HMCN1: variants seen among roughly 807,000 people sequenced by gnomAD.
The protein encoded by HMCN1 is hemicentin 1.
Under a neutral mutation model 625.9 loss-of-function variants are expected in HMCN1, and 321 were observed. The ratio of observed to expected loss-of-function variants is 0.51; its 90% CI spans 0.47 to 0.56. HMCN1 has a LOEUF of 0.56. Among genes scored for constraint, HMCN1 ranks in the 20% least tolerant of loss-of-function variants. HMCN1 has a pLI of 0.00. For missense variants in HMCN1, 6,588 were observed against 6,887.3 expected, an observed-to-expected ratio of 0.96 and a Z score of 1.54; for synonymous variants, 2,425 against 2,417.6, an observed-to-expected ratio of 1.00 and a Z score of -0.09.
At chr1:186,138,070 T>C in intron 89 of HMCN1, 98 bp downstream of exon 89, 1 of 1,253,158 alleles carries the variant, frequency 8.0e-7, no homozygotes, top group Non-Finnish European at 1.1e-6. Context: ...TGTAAAAAGA[T>C]GTTATGGCCT....
At position 186,182,258 on chromosome 1, in the gene HMCN1, A is replaced by G. The variant is rs35856562; in HGVS notation, c.16385A>G (p.Gln5462Arg). 3.0e-3 allele frequency: 4,782 copies of G among 1,613,514 alleles called. 11 individuals are homozygous for G. The highest frequency in any genetic ancestry group is 4.3e-3 in the Middle Eastern group (26 of 6,056). Residue 5462 changes from glutamine (Q) to arginine (R), a missense_variant, in exon 105 of 107, where the codon CAA becomes CGA. This residue lies in a region of HMCN1 where 1,954 missense variants were observed against 2,013.1 expected (regional missense o/e 0.97). Transcript: ENST00000271588. ...CAGTGCATCTGCCCACCTGGCTATC[A>G]ACTCACACACAATGGAAAGACATGC... ...SYQCICPPGYQLTHNGKTCQD... is the reference protein window; with the variant it reads ...SYQCICPPGYRLTHNGKTCQD...
At chr1:185,789,115 A>G (rs1166103451) in intron 1 of HMCN1, among the ~76,000 whole-genome samples, 1 of 152,220 alleles carries the variant, frequency 6.6e-6, no homozygotes, top group African/African-American at 2.4e-5. Context: ...CCACCACTGA[A>G]ATCTATAAAG....
At position 186,152,817 on chromosome 1, in the gene HMCN1, C is replaced by T. The variant is rs146508581; in HGVS notation, c.14964C>T (p.Ile4988=). The T allele has an allele frequency of 8.7e-6, 14 of 1,613,798 alleles. No homozygotes were observed. In the South Asian group the frequency reaches 9.9e-5, roughly 11 times the overall value. ...LDSDGSLLLD[I]VVSGYVLQLQ... The stretch of plus-strand genomic sequence containing the variant: ...CCGATGGTTCTTTGCTGCTAGATAT[C>T]GTTGTGAGTGGCTATGTCCTACAGC... Residue 4988 remains isoleucine, a synonymous_variant, in exon 96 of 107, where the codon ATC becomes ATT. Transcript: ENST00000271588.
In HMCN1 at chr1:186,137,840, T is replaced by C. The variant is rs1649709086; in HGVS notation, c.13792T>C (p.Cys4598Arg). 1 of 1,614,030 alleles carries C rather than the reference T, an allele frequency of 6.2e-7. No homozygotes were observed. Among genetic ancestry groups the C allele is most frequent in the Admixed American group, 1.7e-5 (1 of 59,998 alleles). The change falls in exon 89 of 107, where the codon TGC (cysteine) becomes CGC (arginine). Residue 4598 changes from cysteine (C) to arginine (R), a missense_variant. Physicochemically the swap from Cys to Arg is radical, Grantham distance 180. Coordinates refer to ENST00000271588, the MANE Select transcript of HMCN1 (RefSeq NM_031935.3). ...SWSEWSLWEE[C>R]TRSCGRGNQT... ...GTCGGAATGGAGTCTTTGGGAAGAA[T>C]GCACAAGGAGCTGTGGACGCGGCAA...
In HMCN1 at chr1:186,171,460, G is replaced by A. The variant is rs1314971101; in HGVS notation, c.15688+10G>A. The A allele has an allele frequency of 6.3e-7, 1 of 1,583,784 alleles. No individual in the cohort carries two copies. Among genetic ancestry groups the A allele is most frequent in the Admixed American group, 1.7e-5 (1 of 59,920 alleles). On this transcript the variant is annotated intron_variant, in intron 101 of 106. Transcript: ENST00000271588. ...GGCAGAAAATGCATGGGTAAGAAAA[G>A]GGCTTTGAATTTAAAGGAATGACAC...
intron 64 of HMCN1, among the ~76,000 whole-genome samples, chr1:186,092,171 TTTTATC>T (rs1417928031): frequency 6.6e-6 from 1 of 151,930 alleles, no homozygotes; most frequent in Non-Finnish European, 1.5e-5. Context: ...TTACTTATTC[TTTTATC>T]TTTATTATTC....
chr1:185,748,508 T>A (rs2102086997), intron 1 of HMCN1, among the ~76,000 whole-genome samples: 1 of 152,340 alleles, frequency 6.6e-6, no homozygotes, highest in South Asian at 2.1e-4. Context: ...ATTTATTGTA[T>A]GTTATGGACT....
chr1:186,034,853 TGGA>T (rs1655717197), intron 36 of HMCN1, among the ~76,000 whole-genome samples: 1 of 152,160 alleles, frequency 6.6e-6, no homozygotes, highest in Non-Finnish European at 1.5e-5. Flanking sequence ...GTTTCTTTAG[TGGA>T]GGAGTAGATT....
chr1:186,076,397 G>T, intron 53 of HMCN1, 31 bp from the exon 54 acceptor site: 1 of 1,592,676 alleles, frequency 6.3e-7, no homozygotes, highest in Non-Finnish European at 8.6e-7. Context: ...GCATTTATAT[G>T]TGACCAACAT....
At chr1:186,062,078 C>A in intron 47 of HMCN1, 114 bp downstream of exon 47, 1 of 662,370 alleles carries the variant, frequency 1.5e-6, no homozygotes, top group South Asian at 1.8e-5. Flanking sequence ...AGACCCTGGA[C>A]TGTGACTCTT....
At chr1:185,737,505 T>C (rs1427505575) in intron 1 of HMCN1, among the ~76,000 whole-genome samples, 1 of 152,202 alleles carries the variant, frequency 6.6e-6, no homozygotes, top group Non-Finnish European at 1.5e-5. Context: ...GAAAACTATA[T>C]TTACTTTCTG....
intron 1 of HMCN1, among the ~76,000 whole-genome samples, chr1:185,831,064 T>A (rs1402230293): frequency 6.6e-6 from 1 of 152,194 alleles, no homozygotes; most frequent in African/African-American, 2.4e-5. Flanking sequence ...GTAAATGATG[T>A]GAGCATGATA....
At chr1:185,747,223 A>G (rs1654469854) in intron 1 of HMCN1, among the ~76,000 whole-genome samples, 1 of 152,190 alleles carries the variant, frequency 6.6e-6, no homozygotes, top group Non-Finnish European at 1.5e-5. Flanking sequence ...CTTTTATTGG[A>G]TAGGAACAGA....
At chr1:185,743,678 G>A (rs1654147698) in intron 1 of HMCN1, among the ~76,000 whole-genome samples, 1 of 152,198 alleles carries the variant, frequency 6.6e-6, no homozygotes, top group East Asian at 1.9e-4. Flanking sequence ...ATAATCCCAT[G>A]AGGAGTCTTC....
At chr1:185,873,524 A>G (rs1226569171) in intron 4 of HMCN1, among the ~76,000 whole-genome samples, 5 of 152,124 alleles carry the variant, frequency 3.3e-5, no homozygotes, top group African/African-American at 1.2e-4. Flanking sequence ...CATGCAAAAA[A>G]TCAGCAATGA....
chr1:185,832,520 T>C (rs1353625089), intron 1 of HMCN1, among the ~76,000 whole-genome samples: 1 of 151,992 alleles, frequency 6.6e-6, no homozygotes, highest in East Asian at 1.9e-4. Flanking sequence ...GTAATGTCAA[T>C]GGAAAAAATG....
chr1:186,150,678 C>T (rs1650609620), intron 93 of HMCN1, among the ~76,000 whole-genome samples: 1 of 151,966 alleles, frequency 6.6e-6, no homozygotes, highest in Non-Finnish European at 1.5e-5. Flanking sequence ...AAGGAGGCAA[C>T]AAATAAAAGA....
intron 97 of HMCN1, among the ~76,000 whole-genome samples, chr1:186,154,796 A>T (rs1478853913): frequency 6.6e-6 from 1 of 152,152 alleles, no homozygotes; most frequent in Non-Finnish European, 1.5e-5. Context: ...TCATTTTCCA[A>T]GCATGGTTCT....
intron 31 of HMCN1, 45 bp downstream of exon 31, chr1:186,015,482 C>A (rs1336770146): frequency 1.3e-6 from 2 of 1,558,766 alleles, no homozygotes; most frequent in Non-Finnish European, 8.8e-7. Context: ...TCTACCTATG[C>A]TTTCTAATAG....
Sources: gnomAD v4.1 joint callset for allele counts (sites outside exome capture counted in the v4.1 genomes callset) on GRCh38, gnomAD v4.1.1 for gene constraint, gnomAD v4.1.1 regional missense constraint, MANE v1.5 for transcripts, NCBI Gene and HGNC (gene_info 2026-07-23, HGNC 2026-07-21) for gene names.